FMN2: variants seen among roughly 807,000 people sequenced by gnomAD.
FMN2 encodes formin-2.
A neutral mutation model predicts 142.3 loss-of-function variants in FMN2; 51 were observed. That is an observed-to-expected ratio of 0.36 (90% CI 0.29 to 0.45). FMN2 has a LOEUF of 0.45. Among genes scored for constraint, FMN2 ranks in the 20% least tolerant of loss-of-function variants. The probability of loss-of-function intolerance (pLI) is 1.00; values close to 1 mark genes in which losing one functional copy is unlikely to be tolerated. For synonymous variants in FMN2, 882 were observed against 869.8 expected (o/e 1.01, Z -0.25); for missense variants, 1,936 against 2,122.8 (o/e 0.91, Z 1.73).
intron 7 of FMN2, among the ~76,000 whole-genome samples, chr1:240,280,958 T>C (rs1384870302): frequency 6.6e-6 from 1 of 152,180 alleles, no homozygotes; most frequent in East Asian, 1.9e-4. Context: ...TGTTTGCATT[T>C]AAAGATTTTA....
rs1046033441 is a variant in FMN2 at position 240,206,791 on chromosome 1, C to T, written c.1987-8C>T. 3.1e-6 allele frequency: 5 copies of T among 1,601,490 alleles called. No homozygotes were observed. The highest frequency in any genetic ancestry group is 4.3e-6 in the Non-Finnish European group (5 of 1,170,410). On this transcript the variant is annotated splice_polypyrimidine_tract_variant and splice_region_variant and intron_variant, in intron 4 of 17. Coordinates refer to ENST00000319653, the MANE Select transcript of FMN2 (RefSeq NM_020066.5). ...TAACTAACTGTGTCTGTCCTTGTCG[C>T]CCTTCAGGAAGTTGTTGACATGAAG...
intron 3 of FMN2, among the ~76,000 whole-genome samples, chr1:240,184,906 C>T (rs945556470): frequency 2.0e-5 from 3 of 151,794 alleles, no homozygotes; most frequent in African/African-American, 4.8e-5. Flanking sequence ...AGGACACTTT[C>T]GCCATTTTTC....
intron 4 of FMN2, among the ~76,000 whole-genome samples, chr1:240,199,415 C>G (rs776975145): frequency 9.2e-5 from 14 of 152,168 alleles, no homozygotes; most frequent in Non-Finnish European, 1.8e-4. Flanking sequence ...AACTTTTCAG[C>G]AAAAGCTTTA....
intron 15 of FMN2, among the ~76,000 whole-genome samples, chr1:240,411,416 C>T (rs1455736784): frequency 6.6e-6 from 1 of 151,932 alleles, no homozygotes; most frequent in Non-Finnish European, 1.5e-5. Context: ...ACTAAAAATA[C>T]AGAAATGAGC....
chr1:240,365,118 T>C (rs1480595004), intron 14 of FMN2, among the ~76,000 whole-genome samples: 1 of 152,138 alleles, frequency 6.6e-6, no homozygotes, highest in Non-Finnish European at 1.5e-5. Context: ...TTTGCATGGA[T>C]AAGCATGTAT....
chr1:240,303,345 C>G (rs74791887), intron 8 of FMN2, among the ~76,000 whole-genome samples: 3 of 152,208 alleles, frequency 2.0e-5, no homozygotes, highest in African/African-American at 4.8e-5. Context: ...TGGTACAGAT[C>G]GAGTGATAAT....
In FMN2 at chr1:240,234,597, G is replaced by A. The variant is rs141250015; in HGVS notation, c.4066-23348G>A. ...TTGTGATGTTGGACAATAACCACATGATTTCTGCTTTAGGAGATGTGTAAA... is the reference window on the plus strand; with the variant it reads ...TTGTGATGTTGGACAATAACCACATAATTTCTGCTTTAGGAGATGTGTAAA... On this transcript the variant is annotated intron_variant, in intron 6 of 17. Coordinates refer to ENST00000319653, the MANE Select transcript of FMN2 (RefSeq NM_020066.5). 1.5e-3 allele frequency among the ~76,000 whole-genome samples: 234 copies of A among 152,262 alleles called. 1 individual carries two copies. Among genetic ancestry groups the A allele is most frequent in the African/African-American group, 5.5e-3 (228 of 41,550 alleles).
chr1:240,186,421 C>A (rs1665454739), intron 3 of FMN2, among the ~76,000 whole-genome samples: 1 of 152,196 alleles, frequency 6.6e-6, no homozygotes, highest in South Asian at 2.1e-4. Flanking sequence ...CTTGCTTTCA[C>A]AGAGTTTATG....
At chr1:240,433,385 A>G (rs1014493017) in intron 15 of FMN2, among the ~76,000 whole-genome samples, 2 of 152,200 alleles carry the variant, frequency 1.3e-5, no homozygotes, top group Non-Finnish European at 2.9e-5. Flanking sequence ...CGAGGAAAAC[A>G]TTTCTAACTT....
chr1:240,110,335 C>G (rs1661764819), intron 1 of FMN2, among the ~76,000 whole-genome samples: 1 of 152,192 alleles, frequency 6.6e-6, no homozygotes, highest in Non-Finnish European at 1.5e-5. Flanking sequence ...GATGATAAAT[C>G]CTGCTCTGCC....
intron 16 of FMN2, among the ~76,000 whole-genome samples, chr1:240,454,510 T>G (rs1676172940): frequency 2.0e-5 from 3 of 152,096 alleles, no homozygotes; most frequent in South Asian, 2.1e-4. Context: ...CCACTGCACT[T>G]CAGCCTCGGT....
chr1:240,277,201 A>G (rs1669244772), intron 7 of FMN2, among the ~76,000 whole-genome samples: 2 of 152,242 alleles, frequency 1.3e-5, no homozygotes, highest in South Asian at 4.1e-4. Flanking sequence ...ATTGTTGGAT[A>G]ATAACATTGA....
rs1287376081 is a variant in FMN2 at position 240,135,846 on chromosome 1, A to C, written c.1782+12501A>C. 2.6e-5 allele frequency among the ~76,000 whole-genome samples: 4 copies of C among 151,702 alleles called. No homozygotes were observed. In the East Asian group the frequency reaches 7.8e-4, roughly 29 times the overall value. ...AGGTACATGCCACCATGCACAGCTAATTTTTGTATTTTTAGTAGAGATGGG... is the reference window on the plus strand; with the variant it reads ...AGGTACATGCCACCATGCACAGCTACTTTTTGTATTTTTAGTAGAGATGGG... On this transcript the variant is annotated intron_variant, in intron 2 of 17. Coordinates refer to ENST00000319653, the MANE Select transcript of FMN2 (RefSeq NM_020066.5).
At chr1:240,366,871 T>G (rs562616857) in intron 14 of FMN2, among the ~76,000 whole-genome samples, 79 of 152,306 alleles carry the variant, frequency 5.2e-4, no homozygotes, top group African/African-American at 1.8e-3. Flanking sequence ...GTTTTATTGA[T>G]TATGGACAAT....
intron 6 of FMN2, among the ~76,000 whole-genome samples, chr1:240,213,673 C>G (rs1055191773): frequency 8.5e-5 from 13 of 152,266 alleles, no homozygotes; most frequent in African/African-American, 3.1e-4. Flanking sequence ...GCCTTTAATG[C>G]CGTGGCATAT....
chr1:240,451,547 C>T (rs957348026), intron 16 of FMN2, among the ~76,000 whole-genome samples: 3 of 151,934 alleles, frequency 2.0e-5, no homozygotes, highest in Non-Finnish European at 4.4e-5. Context: ...TGGCGTGTTC[C>T]CCAGGAGGAA....
chr1:240,211,132 C>A lies in FMN2; in HGVS notation c.3962C>A (p.Pro1321Gln). Residue 1321 changes from proline (P) to glutamine (Q), a missense_variant, in exon 6 of 18, where the codon CCA (proline) becomes CAA (glutamine). By Grantham distance (76) the Pro-to-Gln change is moderately conservative. Coordinates refer to ENST00000319653, the MANE Select transcript of FMN2 (RefSeq NM_020066.5). The part of the protein sequence containing the change: ...TSLIWEKIEE[P>Q]SIDCHEFEEL... ...CTTATTTGGGAAAAAATTGAAGAGC[C>A]ATCCATAGATTGTCATGAATTTGAG... 3 of 1,613,174 alleles carry A rather than the reference C, an allele frequency of 1.9e-6. No homozygotes were observed. The highest frequency in any genetic ancestry group is 1.3e-5 in the African/African-American group (1 of 74,966).
intron 8 of FMN2, among the ~76,000 whole-genome samples, chr1:240,297,851 A>G (rs1031212287): frequency 2.6e-5 from 4 of 152,134 alleles, no homozygotes; most frequent in African/African-American, 7.2e-5. Flanking sequence ...AGATGAAGGC[A>G]CTGGCAGATT....
chr1:240,468,970 T>G (rs904978925), intron 16 of FMN2, among the ~76,000 whole-genome samples: 5 of 152,196 alleles, frequency 3.3e-5, no homozygotes, highest in African/African-American at 1.2e-4. Context: ...AAAAATGTCT[T>G]GTTGTCAGAG....
Sources: gnomAD v4.1 joint callset for allele counts (sites outside exome capture counted in the v4.1 genomes callset) on GRCh38, gnomAD v4.1.1 for gene constraint, MANE v1.5 for transcripts, NCBI Gene and HGNC (gene_info 2026-07-23, HGNC 2026-07-21) for gene names.